Variants in TNRC18 observed in about 807,000 individuals in gnomAD.
TNRC18 encodes the protein trinucleotide repeat containing 18.
Under a neutral mutation model 226.7 loss-of-function variants are expected in TNRC18, and 69 were observed. That is an observed-to-expected ratio of 0.30 (90% CI 0.25 to 0.37). TNRC18 has a LOEUF of 0.37. TNRC18 is among the 10% of genes least tolerant of loss of function. TNRC18 has a pLI of 1.00. For synonymous variants in TNRC18, 2,449 were observed against 1,927.6 expected (o/e 1.27, Z -7.09); for missense variants, 4,754 against 4,256.6 (o/e 1.12, Z -3.25).
intron 2 of TNRC18, among the ~76,000 whole-genome samples, chr7:5,405,160 G>A (rs1781381824): frequency 1.3e-5 from 2 of 151,854 alleles, no homozygotes; most frequent in South Asian, 4.1e-4. Flanking sequence ...GGGCACAGTG[G>A]CTCACACCCA....
intron 2 of TNRC18, among the ~76,000 whole-genome samples, chr7:5,409,637 A>G (rs764179986): frequency 6.6e-6 from 1 of 151,960 alleles, no homozygotes; most frequent in Non-Finnish European, 1.5e-5. Context: ...ACCATTAAGA[A>G]AATATTAAGA....
chr7:5,320,754 C>A lies in TNRC18; in HGVS notation c.6561-147G>T, dbSNP rs1253597037. The A allele has an allele frequency of 2.3e-5, 16 of 707,996 alleles. No individual in the cohort carries two copies. In the East Asian group the frequency reaches 3.5e-4, roughly 16 times the overall value. 43.9% of individuals were successfully genotyped at this position (707,996 alleles called of 1,614,324 possible). ...CTGACTTGCTGAATTTGGGAATTCTCCCCCTTTTCTGGGTTCATTTTCCTC... is the reference window on the plus strand; with the variant it reads ...CTGACTTGCTGAATTTGGGAATTCTACCCCTTTTCTGGGTTCATTTTCCTC... On this transcript the variant is annotated intron_variant, in intron 22 of 29. Transcript: ENST00000430969.
At chr7:5,384,585 CAGAT>C (rs1181176058) in intron 5 of TNRC18, among the ~76,000 whole-genome samples, 2 of 151,326 alleles carry the variant, frequency 1.3e-5, no homozygotes, top group East Asian at 4.0e-4. Flanking sequence ...TCTGGGATCT[CAGAT>C]GGACTCCAGT....
In TNRC18 at chr7:5,418,423, G is replaced by GA. The variant is rs1562646354; in HGVS notation, c.187+2636_187+2637insT. On this transcript the variant is annotated intron_variant, in intron 2 of 29. Coordinates refer to ENST00000430969, the MANE Select transcript of TNRC18 (RefSeq NM_001080495.3). ...CAGCTCTTCCAGAGGACCTTCCACA[G>GA]CAGATGGCTGTCAATACTAGCTTGG... is the stretch of plus-strand genomic sequence containing the variant. 2.0e-5 allele frequency among the ~76,000 whole-genome samples: 3 copies of GA among 152,310 alleles called. No homozygotes were observed. In the East Asian group the frequency reaches 5.8e-4, roughly 29 times the overall value.
In TNRC18 at chr7:5,370,497, T is replaced by A; in HGVS notation, c.4097A>T (p.Gln1366Leu). Residue 1366 changes from glutamine (Q) to leucine (L), a missense_variant, in exon 11 of 30, where the codon CAG becomes CTG. Transcript: ENST00000430969. Reference sequence around the variant, plus strand: ...GGCTGCTTCCAGCTTCTCCAAGGCCTGGGCTCCAGCAGCACCCGGGGAGGG... The same window carrying A: ...GGCTGCTTCCAGCTTCTCCAAGGCCAGGGCTCCAGCAGCACCCGGGGAGGG... The part of the protein sequence containing the change: ...PLPSPGAAGA[Q>L]ALEKLEAAES... The A allele has an allele frequency of 3.8e-6, 6 of 1,593,702 alleles. No individual in the cohort carries two copies. Among genetic ancestry groups the A allele is most frequent in the Non-Finnish European group, 5.1e-6 (6 of 1,170,288 alleles).
At chr7:5,418,740 T>C (rs1034284230) in intron 2 of TNRC18, among the ~76,000 whole-genome samples, 1 of 151,932 alleles carries the variant, frequency 6.6e-6, no homozygotes, top group Admixed American at 6.6e-5. Context: ...GAAGGGAAAA[T>C]GTAGCACCTG....
At chr7:5,372,136 C>T (rs891935848) in intron 10 of TNRC18, among the ~76,000 whole-genome samples, 25 of 151,680 alleles carry the variant, frequency 1.6e-4, no homozygotes, top group African/African-American at 5.1e-4. Context: ...GGCGCGATCG[C>T]GGCTCACTAC....
chr7:5,421,096 T>G lies in TNRC18; in HGVS notation c.151A>C (p.Lys51Gln). 2 of 1,477,934 alleles carry G rather than the reference T, an allele frequency of 1.4e-6. No individual in the cohort carries two copies. Among genetic ancestry groups the G allele is most frequent in the Non-Finnish European group, 9.1e-7 (1 of 1,104,824 alleles). 91.6% of individuals were successfully genotyped at this position (1,477,934 alleles called of 1,614,324 possible). A position where few individuals can be genotyped will look rare whatever the true frequency, so the allele number is the denominator to read the frequency against. Residue 51 changes from lysine to glutamine, a missense_variant, in exon 2 of 30, where the codon AAG becomes CAG. Transcript: ENST00000430969. ...TGGAGATTCAGGCCGGCCATGTACT[T>G]CCCGGGCGGCAGCGGGCCGGGCAAG... The part of the protein sequence containing the change: ...SGLPGPLPPG[K>Q]YMAGLNLHPH...
At chr7:5,364,477 A>G (rs986430630) in intron 11 of TNRC18, among the ~76,000 whole-genome samples, 1 of 106,776 alleles carries the variant, frequency 9.4e-6, no homozygotes, top group Admixed American at 8.3e-5. Flanking sequence ...ACACACACAC[A>G]CACACACACA....
intron 26 of TNRC18, among the ~76,000 whole-genome samples, chr7:5,314,209 C>T (rs1378025301): frequency 3.9e-5 from 6 of 151,976 alleles, no homozygotes; most frequent in Admixed American, 6.6e-5. Context: ...TGGGCTCAAG[C>T]GATCCCTGTG....
chr7:5,414,406 G>C (rs1047280905), intron 2 of TNRC18, among the ~76,000 whole-genome samples: 1 of 150,838 alleles, frequency 6.6e-6, no homozygotes, highest in Non-Finnish European at 1.5e-5. Context: ...AAACATTTCA[G>C]TATTCTTTCT....
At position 5,332,970 on chromosome 7, in the gene TNRC18, C is replaced by T. The variant is rs745685634; in HGVS notation, c.5799G>A (p.Lys1933=). ...KRSPAGLLRP[K]KGLGEPGPSL... is the part of the protein sequence containing the mutation. ...AGGGTCCCGGCTCCCCCAGCCCCTTCTTGGGCCGCAGCAGCCCCGCAGGCG... is the reference window on the plus strand; with the variant it reads ...AGGGTCCCGGCTCCCCCAGCCCCTTTTTGGGCCGCAGCAGCCCCGCAGGCG... The change falls in exon 19 of 30, where the codon AAG becomes AAA. Residue 1933 remains lysine, a synonymous_variant. Transcript: ENST00000430969. 19 of 1,564,514 alleles carry T rather than the reference C, an allele frequency of 1.2e-5. No homozygotes were observed. In the South Asian group the frequency reaches 2.1e-4, roughly 17 times the overall value.
chr7:5,317,891 A>G (rs1788012458), intron 24 of TNRC18, among the ~76,000 whole-genome samples: 1 of 151,344 alleles, frequency 6.6e-6, no homozygotes, highest in African/African-American at 2.4e-5. Flanking sequence ...TTTTTTTGAG[A>G]CAGAGTCTCA....
intron 19 of TNRC18, among the ~76,000 whole-genome samples, chr7:5,330,648 G>A (rs957992801): frequency 1.2e-4 from 19 of 152,004 alleles, no homozygotes; most frequent in African/African-American, 4.1e-4. Flanking sequence ...GAACATGTCT[G>A]GGCCTACTAT....
At position 5,377,659 on chromosome 7, in the gene TNRC18, G is replaced by C; in HGVS notation, c.2256-83C>G. 1.4e-6 allele frequency: 2 copies of C among 1,405,504 alleles called. No homozygotes were observed. The highest frequency in any genetic ancestry group is 1.3e-5 in the South Asian group (1 of 75,002). 87.1% of individuals were successfully genotyped at this position (1,405,504 alleles called of 1,614,324 possible). A position where few individuals can be genotyped will look rare whatever the true frequency, so the allele number is the denominator to read the frequency against. ...AGAAGCGGGGTTGCCCCAAGGAACT[G>C]TTTGCCACCAGGCCATGAGTCAGGA... On this transcript the variant is annotated intron_variant, in intron 6 of 29. Transcript: ENST00000430969. The surrounding 1 kb of genome is among the most constrained non-coding windows in gnomAD (Gnocchi z 5.8).
rs1211575237 is a variant in TNRC18 at position 5,389,419 on chromosome 7, G to A, written c.488-83C>T. On this transcript the variant is annotated intron_variant, in intron 4 of 29. Transcript: ENST00000430969. ...CTGGGCGGAGGCGGACCCCTGAGAG[G>A]GGGATGGACCAACCCATGCCTCCCC... The A allele has an allele frequency of 4.2e-6, 5 of 1,198,738 alleles. No homozygotes were observed. In the Admixed American group the frequency reaches 2.2e-4, roughly 54 times the overall value. 74.3% of individuals were successfully genotyped at this position (1,198,738 alleles called of 1,614,324 possible).
At chr7:5,384,469 A>C (rs561969753) in intron 5 of TNRC18, among the ~76,000 whole-genome samples, 1 of 152,004 alleles carries the variant, frequency 6.6e-6, no homozygotes, top group South Asian at 2.1e-4. Context: ...AAATCCCCAA[A>C]CATCTCATCC....
chr7:5,392,730 G>A (rs6957458), intron 3 of TNRC18, among the ~76,000 whole-genome samples: 58,998 of 151,966 alleles, frequency 0.39, 11,826 homozygotes, highest in Middle Eastern at 0.49. Context: ...TTAATAGGCC[G>A]GGCACAGTGG....
chr7:5,395,645 A>G lies in TNRC18; in HGVS notation c.188-1050T>C, dbSNP rs181244141. ...TTGCACATCAACAAAATGGAGATAA[A>G]CATGCCTCCCTTCGGGAATGATAGG... On this transcript the variant is annotated intron_variant, in intron 2 of 29. Transcript: ENST00000430969. Among the ~76,000 whole-genome samples, 8 of 152,320 alleles carry G rather than the reference A, an allele frequency of 5.3e-5. No homozygotes were observed. The East Asian group carries it at 1.5e-3, about 29-fold the overall frequency.
Sources: gnomAD v4.1 joint callset for allele counts (sites outside exome capture counted in the v4.1 genomes callset) on GRCh38, gnomAD v4.1.1 for gene constraint, Gnocchi (gnomAD v3.1) non-coding constraint, MANE v1.5 for transcripts, NCBI Gene and HGNC (gene_info 2026-07-23, HGNC 2026-07-21) for gene names.